Variants in ZZEF1 observed in about 807,000 individuals in gnomAD.
ZZEF1 encodes zinc finger ZZ-type and EF-hand domain containing 1.
ZZEF1 carries 157 observed loss-of-function variants against 342.8 expected under a neutral mutation model. The observed-to-expected ratio is 0.46, with a 90% confidence interval of 0.40 to 0.52. The LOEUF (loss-of-function observed/expected upper bound fraction) is 0.52, where lower values mean the gene tolerates loss of function less well. Ranked by LOEUF, ZZEF1 falls within the 20% of genes least tolerant of loss-of-function variation. ZZEF1 has a pLI of 0.00. For missense variants in ZZEF1, 3,480 were observed against 3,725.6 expected, an observed-to-expected ratio of 0.93 and a Z score of 1.72; for synonymous variants, 1,505 against 1,429.1, an observed-to-expected ratio of 1.05 and a Z score of -1.20.
chr17:4,086,382 C>T, intron 15 of ZZEF1, 104 bp downstream of exon 15: 1 of 1,164,608 alleles, frequency 8.6e-7, no homozygotes, highest in Non-Finnish European at 1.2e-6. Context: ...AGCGGCAATC[C>T]CTTTCTGGCT....
intron 16 of ZZEF1, among the ~76,000 whole-genome samples, chr17:4,083,302 T>C (rs1305337307): frequency 1.3e-5 from 2 of 152,194 alleles, no homozygotes; most frequent in Non-Finnish European, 2.9e-5. Context: ...TGCTTGGAAA[T>C]TAATCATTTG....
rs1273857378 is a variant in ZZEF1 at position 4,034,258 on chromosome 17, A to G, written c.6341T>C (p.Val2114Ala). The G allele has an allele frequency of 6.2e-7, 1 of 1,614,090 alleles. No individual in the cohort carries two copies. The highest frequency in any genetic ancestry group is 1.3e-5 in the African/African-American group (1 of 74,928). Residue 2114 changes from valine (V) to alanine (A), a missense_variant, in exon 40 of 55, where the codon GTC (valine) becomes GCC (alanine). Val to Ala is a moderately conservative substitution (Grantham distance 64, BLOSUM62 0). Coordinates refer to ENST00000381638, the MANE Select transcript of ZZEF1 (RefSeq NM_015113.4). The stretch of plus-strand genomic sequence containing the variant: ...GACAACCTGAAACATGAGTGGAAGG[A>G]CGTGCTCCAGGTCTATCAGGGGAAC... ...PTVPLIDLEH[V>A]LPLMFQVVIS...
chr17:4,132,578 A>G (rs1344643757), intron 1 of ZZEF1, among the ~76,000 whole-genome samples: 9 of 150,948 alleles, frequency 6.0e-5, no homozygotes, highest in Non-Finnish European at 1.0e-4. Context: ...GGCGCCTGTA[A>G]TCCCAGCACT....
intron 26 of ZZEF1, among the ~76,000 whole-genome samples, chr17:4,069,424 A>C (rs535464234): frequency 4.9e-4 from 74 of 152,298 alleles, no homozygotes; most frequent in Non-Finnish European, 9.4e-4. Flanking sequence ...TTTTTAAAGG[A>C]GATATTAAGA....
Position 4,095,826 on chromosome 17 carries a change from C to A in ZZEF1, c.1913+5G>T. On this transcript the variant is annotated splice_donor_5th_base_variant and intron_variant, in intron 11 of 54. Coordinates refer to ENST00000381638, the MANE Select transcript of ZZEF1 (RefSeq NM_015113.4). ...TTGTTCTACAAAGATTTTTTACCTT[C>A]TTACCTGCTTTTTACAAATTGCCTG... 1.2e-6 allele frequency: 2 copies of A among 1,602,320 alleles called. No homozygotes were observed. The highest frequency in any genetic ancestry group is 1.7e-6 in the Non-Finnish European group (2 of 1,174,222).
chr17:4,024,669 G>A (rs1031088119), intron 43 of ZZEF1, among the ~76,000 whole-genome samples: 6 of 152,212 alleles, frequency 3.9e-5, no homozygotes, highest in African/African-American at 1.4e-4. Context: ...CTTCTCGTCT[G>A]ACAAAGTTGT....
At position 4,132,898 on chromosome 17, in the gene ZZEF1, G is replaced by A. The variant is rs181746164; in HGVS notation, c.355-8847C>T. 3.2e-3 allele frequency among the ~76,000 whole-genome samples: 482 copies of A among 152,234 alleles called. 10 individuals carry two copies. The highest frequency in any genetic ancestry group is 0.026 in the Admixed American group (390 of 15,284). The stretch of plus-strand genomic sequence containing the variant: ...GGAGAATGGCATGAACCTGGGAGGT[G>A]GAGCTTGCAGTGAGCTGAGATCACG... On this transcript the variant is annotated intron_variant, in intron 1 of 54. Transcript: ENST00000381638.
At position 4,062,963 on chromosome 17, in the gene ZZEF1, T is replaced by A. The variant is rs747388594; in HGVS notation, c.4719-46A>T. 4 of 1,560,854 alleles carry A rather than the reference T, an allele frequency of 2.6e-6. No individual in the cohort carries two copies. In the South Asian group the frequency reaches 4.7e-5, roughly 19 times the overall value. ...AGGAACACCCAGAAAACTCTTGAGC[T>A]GGGGCAGACGGAAAATATCCCCGCC... On this transcript the variant is annotated intron_variant, in intron 29 of 54. Transcript: ENST00000381638.
chr17:4,111,422 G>A (rs1188772375), intron 5 of ZZEF1, among the ~76,000 whole-genome samples: 1 of 152,126 alleles, frequency 6.6e-6, no homozygotes, highest in East Asian at 1.9e-4. Flanking sequence ...CACTGTGGAA[G>A]GCCGAGGCGG....
chr17:4,109,624 G>C lies in ZZEF1; in HGVS notation c.1277+29C>G, dbSNP rs572628386. 72 of 1,610,822 alleles carry C rather than the reference G, an allele frequency of 4.5e-5. No individual in the cohort carries two copies. In the East Asian group the frequency reaches 1.5e-3, roughly 34 times the overall value. On this transcript the variant is annotated intron_variant, in intron 6 of 54. Transcript: ENST00000381638. The stretch of plus-strand genomic sequence containing the variant: ...GATGGGAGAATGAGGGCATGTTGAG[G>C]GGGCTGGAACATAGAGAGAATGACT...
chr17:4,076,350 G>T (rs975681389), intron 21 of ZZEF1: 1 of 195,816 alleles, frequency 5.1e-6, no homozygotes, highest in African/African-American at 2.3e-5. Context: ...AGCCAGGATG[G>T]TCTCGATCTC....
At chr17:4,134,790 G>A (rs980458835) in intron 1 of ZZEF1, among the ~76,000 whole-genome samples, 1 of 152,150 alleles carries the variant, frequency 6.6e-6, no homozygotes, top group South Asian at 2.1e-4. Context: ...CTCCAGGGAT[G>A]AGAAGTCCGA....
chr17:4,086,145 T>C (rs1164862716), intron 15 of ZZEF1, among the ~76,000 whole-genome samples: 2 of 152,176 alleles, frequency 1.3e-5, no homozygotes, highest in Non-Finnish European at 1.5e-5. Context: ...GGCTCAACAG[T>C]ATGATAGTAA....
Position 4,008,380 on chromosome 17 carries a change from T to C in ZZEF1, c.8805+503A>G, listed in dbSNP as rs190683153. ...GGGTTCACTACTTTAAAAAAATAAA[T>C]TGATAAAGGTTTACACTTTTGCTTA... On this transcript the variant is annotated intron_variant, in intron 54 of 54. Transcript: ENST00000381638. This position sits in a 1 kb window ranked among gnomAD's most constrained non-coding sequence, Gnocchi z 4.2. 2.4e-3 allele frequency: 779 copies of C among 319,230 alleles called. No individual in the cohort carries two copies. The highest frequency in any genetic ancestry group is 3.2e-3 in the Non-Finnish European group (706 of 222,686). 19.8% of individuals were successfully genotyped at this position (319,230 alleles called of 1,614,324 possible).
At position 4,005,859 on chromosome 17, in the gene ZZEF1, A is replaced by G. The variant is rs1251631945; in HGVS notation, c.*1031T>C. On this transcript the variant is annotated 3_prime_UTR_variant, in exon 55 of 55. Transcript: ENST00000381638. ...TTCCCAAGCGTGGCTCTGGAGGGAGAATCATCATCGGCACTCCAGGGCAAG... is the reference window on the plus strand; with the variant it reads ...TTCCCAAGCGTGGCTCTGGAGGGAGGATCATCATCGGCACTCCAGGGCAAG... 6.6e-6 allele frequency: 1 copy of G among 152,226 alleles called. No homozygotes were observed. Among genetic ancestry groups the G allele is most frequent in the East Asian group, 1.9e-4 (1 of 5,182 alleles). 9.4% of individuals were successfully genotyped at this position (152,226 alleles called of 1,614,324 possible). A position where few individuals can be genotyped will look rare whatever the true frequency, so the allele number is the denominator to read the frequency against.
chr17:4,007,611 C>T (rs78669648), intron 54 of ZZEF1, among the ~76,000 whole-genome samples: 3,907 of 152,144 alleles, frequency 0.026, 189 homozygotes, highest in African/African-American at 0.09. Context: ...GGGGCCAGGA[C>T]GGGCAAATAT....
Position 4,006,409 on chromosome 17 carries a change from GT to G in ZZEF1, c.*480del. 4.5e-6 allele frequency: 1 copy of G among 224,660 alleles called. No individual in the cohort carries two copies. The allele number at this position is 224,660 out of a possible 1,614,324, so 13.9% of individuals were successfully genotyped here. A position where few individuals can be genotyped will look rare whatever the true frequency, so the allele number is the denominator to read the frequency against. ...TGGTGGCTAGGAGGGGCTCTCGCCA[GT>G]TTTGGTTTGGTGTGAAAAGCAAAGA... On this transcript the variant is annotated 3_prime_UTR_variant, in exon 55 of 55. Transcript: ENST00000381638.
At chr17:4,031,880 A>G (rs956462699) in intron 42 of ZZEF1, among the ~76,000 whole-genome samples, 3 of 152,318 alleles carry the variant, frequency 2.0e-5, no homozygotes, top group Admixed American at 1.3e-4. Flanking sequence ...CAGAACCTAT[A>G]TATCTAGCCA....
chr17:4,116,894 G>T, intron 3 of ZZEF1, 78 bp downstream of exon 3: 1 of 1,409,890 alleles, frequency 7.1e-7, no homozygotes, highest in Non-Finnish European at 9.5e-7. Flanking sequence ...GCAGGGAAAA[G>T]AATTGGCTCA....
Sources: allele counts gnomAD v4.1 joint callset (sites outside exome capture counted in the v4.1 genomes callset), GRCh38; gene constraint gnomAD v4.1.1; non-coding constraint Gnocchi (gnomAD v3.1); transcripts MANE v1.5; gene names NCBI Gene and HGNC (gene_info 2026-07-23, HGNC 2026-07-21).